KCNIP4: variants seen among roughly 807,000 people sequenced by gnomAD.
KCNIP4 encodes Kv channel-interacting protein 4.
A neutral mutation model predicts 34.0 loss-of-function variants in KCNIP4; 12 were observed. That is an observed-to-expected ratio of 0.35 (90% confidence interval 0.23 to 0.57). The LOEUF (loss-of-function observed/expected upper bound fraction) is 0.57, where lower values mean the gene tolerates loss of function less well. KCNIP4 is among the 20% of genes least tolerant of loss of function. The pLI is 0.83. For missense variants in KCNIP4, 238 were observed against 311.7 expected, an observed-to-expected ratio of 0.76 and a Z score of 1.78; for synonymous variants, 124 against 102.2, an observed-to-expected ratio of 1.21 and a Z score of -1.29.
chr4:21,274,760 AATTT>A (rs1762339762), intron 1 of KCNIP4, among the ~76,000 whole-genome samples: 1 of 152,136 alleles, frequency 6.6e-6, no homozygotes, highest in African/African-American at 2.4e-5. Context: ...GAGAGTTTTA[AATTT>A]ATTAATACCA....
intron 1 of KCNIP4, among the ~76,000 whole-genome samples, chr4:21,867,732 A>T (rs1246779706): frequency 6.6e-6 from 1 of 152,242 alleles, no homozygotes; most frequent in African/African-American, 2.4e-5. Flanking sequence ...TAAACCACAG[A>T]AACAATAGTT....
intron 1 of KCNIP4, among the ~76,000 whole-genome samples, chr4:21,072,711 G>A (rs1245931578): frequency 6.6e-6 from 1 of 152,104 alleles, no homozygotes; most frequent in Non-Finnish European, 1.5e-5. Context: ...TAAACATGAA[G>A]TCCTTGCCCA....
intron 1 of KCNIP4, among the ~76,000 whole-genome samples, chr4:20,945,701 A>T (rs3948311): frequency 0.66 from 100,027 of 151,864 alleles, 33,777 homozygotes; most frequent in East Asian, 0.77. Context: ...AAAAAAAAGA[A>T]TCCTTTCTCC....
intron 1 of KCNIP4, among the ~76,000 whole-genome samples, chr4:21,463,509 T>C (rs1256581008): frequency 6.6e-6 from 1 of 151,950 alleles, no homozygotes; most frequent in African/African-American, 2.4e-5. Context: ...AAAGATGTGG[T>C]CTTTTGTGTT....
chr4:20,961,664 G>C (rs77771537), intron 1 of KCNIP4, among the ~76,000 whole-genome samples: 2,960 of 152,300 alleles, frequency 0.019, 101 homozygotes, highest in African/African-American at 0.068. Flanking sequence ...CCCAAGATGA[G>C]AATGTAAAAG....
chr4:21,009,504 A>T (rs1738881773), intron 1 of KCNIP4, among the ~76,000 whole-genome samples: 1 of 152,144 alleles, frequency 6.6e-6, no homozygotes, highest in African/African-American at 2.4e-5. Flanking sequence ...TATATGTTTG[A>T]TTAGGTTTTC....
chr4:21,688,077 T>C (rs1368157379), intron 1 of KCNIP4, among the ~76,000 whole-genome samples: 1 of 152,174 alleles, frequency 6.6e-6, no homozygotes, highest in Non-Finnish European at 1.5e-5. Context: ...GCAAAGAAAC[T>C]TATATTTATT....
chr4:20,983,720 A>G (rs1025536286), intron 1 of KCNIP4: 14 of 1,022,888 alleles, frequency 1.4e-5, no homozygotes, highest in Non-Finnish European at 1.9e-5. Flanking sequence ...TAAAACTTTT[A>G]CTTTGAGTAT....
At chr4:21,078,690 G>T (rs1427498500) in intron 1 of KCNIP4, among the ~76,000 whole-genome samples, 1 of 152,052 alleles carries the variant, frequency 6.6e-6, no homozygotes, top group Non-Finnish European at 1.5e-5. Context: ...TAACTAATTT[G>T]AGGAGAAAAT....
chr4:21,291,915 GAAAGAAAGAAAGAAAGAAAGA>G (rs1763532062), intron 1 of KCNIP4, among the ~76,000 whole-genome samples: 1 of 60,636 alleles, frequency 1.6e-5, no homozygotes, highest in Admixed American at 1.6e-4. Flanking sequence ...AAGAAAGAAA[GAAAGAAAGAAAGAAAGAAAGA>G]AAAAAAAAGA....
chr4:21,643,291 T>C (rs1247552515), intron 1 of KCNIP4, among the ~76,000 whole-genome samples: 1 of 152,178 alleles, frequency 6.6e-6, no homozygotes, highest in Non-Finnish European at 1.5e-5. Context: ...TTAGAGGACA[T>C]TGAGAAGAAT....
chr4:21,289,970 G>T (rs570128475), intron 1 of KCNIP4, among the ~76,000 whole-genome samples: 1 of 151,974 alleles, frequency 6.6e-6, no homozygotes, highest in Non-Finnish European at 1.5e-5. Flanking sequence ...GAAATGGTTT[G>T]TCCCTAAGAA....
intron 1 of KCNIP4, among the ~76,000 whole-genome samples, chr4:20,986,720 G>A (rs1736611773): frequency 6.6e-6 from 1 of 152,144 alleles, no homozygotes; most frequent in African/African-American, 2.4e-5. Flanking sequence ...AGTTTAGAGA[G>A]TTGGTAAAGT....
chr4:21,657,242 GTTATT>G (rs1490336014), intron 1 of KCNIP4, among the ~76,000 whole-genome samples: 3 of 151,856 alleles, frequency 2.0e-5, no homozygotes, highest in Non-Finnish European at 2.9e-5. Context: ...TTGCTTTTTC[GTTATT>G]TTATTTATTA....
At chr4:20,946,356 G>A (rs1030719084) in intron 1 of KCNIP4, among the ~76,000 whole-genome samples, 6 of 152,174 alleles carry the variant, frequency 3.9e-5, no homozygotes, top group Non-Finnish European at 7.3e-5. Flanking sequence ...TGAATGCTCC[G>A]AGGTGAGAAT....
At chr4:21,936,346 C>T (rs753731371) in intron 1 of KCNIP4, among the ~76,000 whole-genome samples, 14 of 152,116 alleles carry the variant, frequency 9.2e-5, no homozygotes, top group Admixed American at 4.6e-4. Context: ...TCTTTGCCTG[C>T]TGCCATGTAA....
chr4:21,235,520 T>C (rs1165539346), intron 1 of KCNIP4, among the ~76,000 whole-genome samples: 1 of 152,206 alleles, frequency 6.6e-6, no homozygotes, highest in African/African-American at 2.4e-5. Flanking sequence ...CTTCATTGTG[T>C]TCAAGTCCTC....
At position 20,934,788 on chromosome 4, in the gene KCNIP4, A is replaced by G. The variant is rs555591379; in HGVS notation, c.62-52079T>C. Among the ~76,000 whole-genome samples the G allele has an allele frequency of 2.0e-5, 3 of 152,344 alleles. No individual in the cohort carries two copies. In the East Asian group the frequency reaches 5.8e-4, roughly 29 times the overall value. ...CAAGGAAGGAGGCTGTATTATACTC[A>G]TAGAGCTGCCTTGACAAATGACCAT... On this transcript the variant is annotated intron_variant, in intron 1 of 8. Coordinates refer to ENST00000382152, the MANE Select transcript of KCNIP4 (RefSeq NM_025221.6).
intron 1 of KCNIP4, among the ~76,000 whole-genome samples, chr4:21,834,053 T>C (rs1723165921): frequency 6.6e-6 from 1 of 152,160 alleles, no homozygotes; most frequent in African/African-American, 2.4e-5. Flanking sequence ...TCTTTTGGCT[T>C]AGGATTGACT....
Sources: gnomAD v4.1 joint callset for allele counts (sites outside exome capture counted in the v4.1 genomes callset) on GRCh38, gnomAD v4.1.1 for gene constraint, MANE v1.5 for transcripts, NCBI Gene and HGNC (gene_info 2026-07-23, HGNC 2026-07-21) for gene names.